Variants in ZSCAN29 observed in about 807,000 individuals in gnomAD.
The protein encoded by ZSCAN29 is zinc finger and SCAN domain-containing protein 29.
ZSCAN29 carries 55 observed loss-of-function variants against 71.9 expected under a neutral mutation model. That is an observed-to-expected ratio of 0.76 (90% CI 0.62 to 0.96). The LOEUF is 0.96. Among genes scored for constraint, ZSCAN29 ranks in the 40% least tolerant of loss-of-function variants. ZSCAN29 has a pLI of 0.00. For synonymous variants in ZSCAN29, 351 were observed against 371.6 expected, an observed-to-expected ratio of 0.94 and a Z score of 0.64; for missense variants, 1,042 against 1,042.2, an observed-to-expected ratio of 1.00 and a Z score of 0.00.
In ZSCAN29 at chr15:43,364,365, C is replaced by G; in HGVS notation, c.1240G>C (p.Glu414Gln). Residue 414 changes from glutamate (E) to glutamine (Q), a missense_variant, in exon 5 of 6, where the codon GAA becomes CAA. Physicochemically the swap from Glu to Gln is conservative, Grantham distance 29. Coordinates refer to ENST00000684362, the MANE Select transcript of ZSCAN29 (RefSeq NM_001372080.1). Reference protein sequence around the residue: ...RSPGGVHWGYEETKTYLAILS... With the variant: ...RSPGGVHWGYQETKTYLAILS... ...ATTGCAAGGTAAGTCTTGGTCTCTT[C>G]ATAGCCCCAGTGTACACCTGCCACC... 2 of 1,613,926 alleles carry G rather than the reference C, an allele frequency of 1.2e-6. No homozygotes were observed. Among genetic ancestry groups the G allele is most frequent in the Non-Finnish European group, 1.7e-6 (2 of 1,180,016 alleles).
At chr15:43,364,476 A>C in intron 4 of ZSCAN29, 94 bp from the exon 5 acceptor site, 1 of 1,134,740 alleles carries the variant, frequency 8.8e-7, no homozygotes, top group Non-Finnish European at 1.3e-6. Context: ...GAATTCACCT[A>C]AGCTCAGGCT....
rs557989661 is a variant in ZSCAN29 at position 43,361,566 on chromosome 15, C to A, written c.2066G>T (p.Arg689Leu). ...CCGGTGTCTAATGAGTCGTGCACTC[C>A]GACTGAAGCTTTTCCCACAATCAGC... is the stretch of plus-strand genomic sequence containing the variant. ...KCADCGKSFS[R>L]SARLIRHRRI... The change falls in exon 6 of 6, where the codon CGG becomes CTG. Residue 689 changes from arginine to leucine, a missense_variant. Physicochemically the swap from Arg to Leu is moderately radical, Grantham distance 102 (BLOSUM62 -2). Transcript: ENST00000684362. 1 of 1,614,042 alleles carries A rather than the reference C, an allele frequency of 6.2e-7. No homozygotes were observed. The highest frequency in any genetic ancestry group is 1.7e-5 in the Admixed American group (1 of 59,996).
intron 1 of ZSCAN29, 60 bp from the exon 2 acceptor site, chr15:43,370,085 C>A: frequency 1.4e-6 from 1 of 699,716 alleles, no homozygotes; most frequent in Non-Finnish European, 2.3e-6. Context: ...AAAGTCTTGC[C>A]AGAGCTGGCC....
chr15:43,364,032 G>T lies in ZSCAN29; in HGVS notation c.1573C>A (p.Gln525Lys), dbSNP rs1348713021. ...QGTSEAEAQK[Q>K]AEEADEATEE... ...GTGGCCTCGTCTGCTTCCTCAGCTT[G>T]CTTCTGAGCTTCAGCCTCACTGGTC... Residue 525 changes from glutamine (Q) to lysine (K), a missense_variant, in exon 5 of 6, where the codon CAA (glutamine) becomes AAA (lysine). Transcript: ENST00000684362. 6.2e-7 allele frequency: 1 copy of T among 1,613,966 alleles called. No individual in the cohort carries two copies. Among genetic ancestry groups the T allele is most frequent in the African/African-American group, 1.3e-5 (1 of 74,850 alleles).
intron 4 of ZSCAN29, 74 bp downstream of exon 4, chr15:43,366,036 G>T: frequency 6.9e-7 from 1 of 1,455,478 alleles, no homozygotes; most frequent in Non-Finnish European, 9.3e-7. Context: ...GTGACATTAA[G>T]CCTTCTGACT....
In ZSCAN29 at chr15:43,361,553, G is replaced by A; in HGVS notation, c.2079C>T (p.Leu693=). The change falls in exon 6 of 6, where the codon CTC becomes CTT. Residue 693 remains leucine, a synonymous_variant. Transcript: ENST00000684362. ...CAGTGTGGATTCTCCGGTGTCTAAT[G>A]AGTCGTGCACTCCGACTGAAGCTTT... ...CGKSFSRSAR[L]IRHRRIHTGE... is the part of the protein sequence containing the mutation. 1 of 1,614,018 alleles carries A rather than the reference G, an allele frequency of 6.2e-7. No homozygotes were observed. The highest frequency in any genetic ancestry group is 8.5e-7 in the Non-Finnish European group (1 of 1,179,980).
Position 43,366,102 on chromosome 15 carries a change from C to T in ZSCAN29, c.1222+8G>A. The stretch of plus-strand genomic sequence containing the variant: ...AATTCCAAAACTCCAAGAAGAAAAG[C>T]TTCTTACCACCTGGGCTTCTGAACA... On this transcript the variant is annotated splice_region_variant and intron_variant, in intron 4 of 5. Transcript: ENST00000684362. 6.3e-7 allele frequency: 1 copy of T among 1,583,374 alleles called. No homozygotes were observed. The highest frequency in any genetic ancestry group is 8.6e-7 in the Non-Finnish European group (1 of 1,165,114).
chr15:43,366,104 T>A lies in ZSCAN29; in HGVS notation c.1222+6A>T. The A allele has an allele frequency of 1.3e-6, 2 of 1,584,370 alleles. No homozygotes were observed. Among genetic ancestry groups the A allele is most frequent in the Non-Finnish European group, 1.7e-6 (2 of 1,165,664 alleles). On this transcript the variant is annotated splice_donor_region_variant and intron_variant, in intron 4 of 5. Transcript: ENST00000684362. ...TTCCAAAACTCCAAGAAGAAAAGCT[T>A]CTTACCACCTGGGCTTCTGAACACA...
chr15:43,370,248 A>C (rs544164044), intron 1 of ZSCAN29: 6 of 263,968 alleles, frequency 2.3e-5, no homozygotes, highest in South Asian at 5.5e-5. Context: ...CCTCCTCCAA[A>C]TCCGATCCCA....
In ZSCAN29 at chr15:43,363,918, G is replaced by A. The variant is rs143986040; in HGVS notation, c.1687C>T (p.Arg563Cys). 339 of 1,587,682 alleles carry A rather than the reference G, an allele frequency of 2.1e-4. 2 individuals carry two copies. In the African/African-American group the frequency reaches 2.7e-3, roughly 13 times the overall value. The stretch of plus-strand genomic sequence containing the variant: ...CATAATAGTGAAATAATCTTACCAC[G>A]GGGGCTTTGGAATAACACTGGAGCA... ...TRAPVLFQSP[R>C]GFEAGFENED... The change falls in exon 5 of 6, where the codon CGT becomes TGT. Residue 563 changes from arginine (R) to cysteine (C), a missense_variant. Coordinates refer to ENST00000684362, the MANE Select transcript of ZSCAN29 (RefSeq NM_001372080.1).
intron 3 of ZSCAN29, among the ~76,000 whole-genome samples, chr15:43,367,518 A>C (rs1161624113): frequency 2.6e-5 from 4 of 152,138 alleles, no homozygotes; most frequent in Non-Finnish European, 5.9e-5. Context: ...TGTATTTGCC[A>C]GTGCCCTCAA....
In ZSCAN29 at chr15:43,361,199, G is replaced by C; in HGVS notation, c.2433C>G (p.Thr811=). ...KSSDLRAHHR[T]HTGEKPYGCH... ...ACCCATAGGGTTTCTCTCCTGTGTG[G>C]GTTCTATGATGTGCACGTAAGTCAG... Residue 811 remains threonine, a synonymous_variant, in exon 6 of 6, where the codon ACC becomes ACG. Transcript: ENST00000684362. 1 of 1,614,146 alleles carries C rather than the reference G, an allele frequency of 6.2e-7. No individual in the cohort carries two copies. The highest frequency in any genetic ancestry group is 8.5e-7 in the Non-Finnish European group (1 of 1,180,026).
Position 43,369,638 on chromosome 15 carries a change from G to T in ZSCAN29, c.276C>A (p.Leu92=), listed in dbSNP as rs750908645. The stretch of plus-strand genomic sequence containing the variant: ...CAGGCTCTCTTTCTAAATCTTCCAC[G>T]AGAGTCACTGCCTCCTCTCCATTTT... ...CPENGEEAVT[L]VEDLEREPGR... Residue 92 remains leucine, a synonymous_variant, in exon 2 of 6, where the codon CTC becomes CTA. Coordinates refer to ENST00000684362, the MANE Select transcript of ZSCAN29 (RefSeq NM_001372080.1). 4.3e-5 allele frequency: 69 copies of T among 1,613,916 alleles called. No homozygotes were observed. Among genetic ancestry groups the T allele is most frequent in the Non-Finnish European group, 5.8e-5 (68 of 1,179,920 alleles).
chr15:43,361,918 C>A lies in ZSCAN29; in HGVS notation c.1714G>T (p.Glu572Ter). Residue 572 changes from glutamate (E) to a stop codon, truncating the protein, a stop_gained, in exon 6 of 6, where the codon GAA becomes TAA. Transcript: ENST00000684362. LOFTEE classifies it high-confidence loss of function. ...GAAATATCCCGTTTTGAATTATCTT[C>A]ATTCTCAAATCCAGCTTCAAAACCT... ...PRGFEAGFENEDNSKRDISEE... is the reference protein window; with the variant it reads ...PRGFEAGFEN The A allele has an allele frequency of 5.6e-6, 9 of 1,610,244 alleles. No individual in the cohort carries two copies. Among genetic ancestry groups the A allele is most frequent in the Non-Finnish European group, 7.6e-6 (9 of 1,177,760 alleles).
chr15:43,367,072 TCTC>T (rs1414282477), intron 3 of ZSCAN29, among the ~76,000 whole-genome samples: 1 of 152,180 alleles, frequency 6.6e-6, no homozygotes, highest in African/African-American at 2.4e-5. Context: ...TATTCCAAGC[TCTC>T]CTATTTGTAG....
chr15:43,366,097 A>G lies in ZSCAN29; in HGVS notation c.1222+13T>C. 6.3e-7 allele frequency: 1 copy of G among 1,578,032 alleles called. No individual in the cohort carries two copies. The highest frequency in any genetic ancestry group is 8.6e-7 in the Non-Finnish European group (1 of 1,162,544). ...AGTCTAATTCCAAAACTCCAAGAAG[A>G]AAAGCTTCTTACCACCTGGGCTTCT... On this transcript the variant is annotated intron_variant, in intron 4 of 5. Coordinates refer to ENST00000684362, the MANE Select transcript of ZSCAN29 (RefSeq NM_001372080.1).
At chr15:43,363,801 A>G (rs2044006426) in intron 5 of ZSCAN29, 114 bp downstream of exon 5, 2 of 1,028,734 alleles carry the variant, frequency 1.9e-6, no homozygotes, top group Non-Finnish European at 2.8e-6. Context: ...GGGTGGTCAC[A>G]AGAAGAATCC....
In ZSCAN29 at chr15:43,358,231, C is replaced by T. The variant is rs2043951112; in HGVS notation, c.*2842G>A. On this transcript the variant is annotated 3_prime_UTR_variant, in exon 6 of 6. Transcript: ENST00000684362. Reference sequence around the variant, plus strand: ...CCCTGAGAGACAGATTAGGTGTAAACATTATTTTGCTTTACAGAAAGGGAA... The same window carrying T: ...CCCTGAGAGACAGATTAGGTGTAAATATTATTTTGCTTTACAGAAAGGGAA... 6.6e-6 allele frequency: 1 copy of T among 152,482 alleles called. No homozygotes were observed. Among genetic ancestry groups the T allele is most frequent in the South Asian group, 2.1e-4 (1 of 4,826 alleles). The allele number at this position is 152,482 out of a possible 1,614,324, so 9.4% of individuals were successfully genotyped here. A position where few individuals can be genotyped will look rare whatever the true frequency, so the allele number is the denominator to read the frequency against.
At position 43,361,791 on chromosome 15, in the gene ZSCAN29, C is replaced by T. The variant is rs771903211; in HGVS notation, c.1841G>A (p.Gly614Glu). ...CCCTGAGGTCTTTGCCCACTGTCTT[C>T]CTGATCTACAGTCACTCTCATTGCC... ...GKGNESDCRS[G>E]RQWAKTSGEK... The change falls in exon 6 of 6, where the codon GGA becomes GAA. Residue 614 changes from glycine to glutamate, a missense_variant. By Grantham distance (98) the Gly-to-Glu change is moderately conservative. Transcript: ENST00000684362. 3.1e-6 allele frequency: 5 copies of T among 1,614,194 alleles called. No homozygotes were observed. In the Admixed American group the frequency reaches 8.3e-5, roughly 27 times the overall value.
Sources: gnomAD v4.1 joint callset for allele counts (sites outside exome capture counted in the v4.1 genomes callset) on GRCh38, gnomAD v4.1.1 for gene constraint, MANE v1.5 for transcripts, NCBI Gene and HGNC (gene_info 2026-07-23, HGNC 2026-07-21) for gene names.